Variants in ARHGEF26 observed in about 807,000 individuals in gnomAD.
ARHGEF26 encodes Rho guanine nucleotide exchange factor (GEF) 26.
A neutral mutation model predicts 89.4 loss-of-function variants in ARHGEF26; 59 were observed. The observed-to-expected ratio is 0.66, with a 90% CI of 0.54 to 0.82. The LOEUF (loss-of-function observed/expected upper bound fraction) is 0.82, where lower values mean the gene tolerates loss of function less well. Among genes scored for constraint, ARHGEF26 ranks in the 40% least tolerant of loss-of-function variants. The pLI is 0.00. For missense variants in ARHGEF26, 1,234 were observed against 1,085.6 expected (o/e 1.14, Z -1.92); for synonymous variants, 500 against 428.4 (o/e 1.17, Z -2.06).
At chr3:154,137,619 A>G (rs1267734901) in intron 4 of ARHGEF26, among the ~76,000 whole-genome samples, 1 of 152,072 alleles carries the variant, frequency 6.6e-6, no homozygotes, top group East Asian at 1.9e-4. Flanking sequence ...ATTATGGTAC[A>G]TTTCTGAAAA....
intron 9 of ARHGEF26, among the ~76,000 whole-genome samples, chr3:154,215,490 A>T (rs1715663799): frequency 2.0e-5 from 3 of 151,858 alleles, no homozygotes; most frequent in African/African-American, 7.3e-5. Context: ...GGCACTAAAT[A>T]AACTTTTTTT....
chr3:154,161,881 C>T (rs1371752315), intron 6 of ARHGEF26, among the ~76,000 whole-genome samples: 1 of 152,156 alleles, frequency 6.6e-6, no homozygotes, highest in Non-Finnish European at 1.5e-5. Context: ...CAGGCCCTGG[C>T]ATGCTTCAGC....
intron 6 of ARHGEF26, among the ~76,000 whole-genome samples, chr3:154,173,103 A>G (rs1042250504): frequency 6.6e-6 from 1 of 152,182 alleles, no homozygotes; most frequent in African/African-American, 2.4e-5. Flanking sequence ...TCAGTCAAGT[A>G]CTATTAATAC....
chr3:154,221,572 TA>T (rs1716134207), intron 10 of ARHGEF26, among the ~76,000 whole-genome samples: 1 of 152,192 alleles, frequency 6.6e-6, no homozygotes, highest in African/African-American at 2.4e-5. Context: ...GAAAAACATC[TA>T]AATATCTATC....
chr3:154,176,539 G>T (rs374444758), intron 6 of ARHGEF26, among the ~76,000 whole-genome samples: 1 of 152,186 alleles, frequency 6.6e-6, no homozygotes, highest in African/African-American at 2.4e-5. Flanking sequence ...TGAAAGGAGA[G>T]TTCGCAATGA....
At chr3:154,228,329 G>A (rs1448636627) in intron 11 of ARHGEF26, among the ~76,000 whole-genome samples, 3 of 151,524 alleles carry the variant, frequency 2.0e-5, no homozygotes, top group Admixed American at 6.6e-5. Flanking sequence ...TAGAGATGGG[G>A]TTTCTCCATG....
intron 9 of ARHGEF26, 46 bp downstream of exon 9, chr3:154,194,764 G>T: frequency 6.6e-7 from 1 of 1,508,916 alleles, no homozygotes; most frequent in East Asian, 2.3e-5. Context: ...AAACCATTCA[G>T]TTAGCTCAGA....
intron 14 of ARHGEF26, 73 bp from the exon 15 acceptor site, chr3:154,255,258 C>CT (rs1286182107): frequency 6.6e-7 from 1 of 1,510,804 alleles, no homozygotes; most frequent in East Asian, 2.3e-5. Flanking sequence ...TGCCTCTCAG[C>CT]TTTTTCATAT....
rs994843544 is a variant in ARHGEF26, at chr3:154,257,820, A to G, written c.*2347A>G. The stretch of plus-strand genomic sequence containing the variant: ...ATGTGAATTTATAAAGATTTTGTAG[A>G]TACTTGTCCTTTTGTGCTGGTGTGA... On this transcript the variant is annotated 3_prime_UTR_variant, in exon 15 of 15. Transcript: ENST00000465093. 6.6e-6 allele frequency: 1 copy of G among 152,168 alleles called. No individual in the cohort carries two copies. Among genetic ancestry groups the G allele is most frequent in the Non-Finnish European group, 1.5e-5 (1 of 68,040 alleles). 9.4% of individuals were successfully genotyped at this position (152,168 alleles called of 1,614,324 possible).
rs769955658 is a variant in ARHGEF26, at chr3:154,253,159, G to A, written c.2344G>A (p.Gly782Arg). Residue 782 changes from glycine (G) to arginine (R), a missense_variant, in exon 13 of 15, where the codon GGG becomes AGG. Physicochemically the swap from Gly to Arg is moderately radical, Grantham distance 125 (BLOSUM62 -2). Coordinates refer to ENST00000465093, the MANE Select transcript of ARHGEF26 (RefSeq NM_015595.4). ...RWITALGHSS[G>R]KPPADRTSLT... ...GATAACTGCCCTGGGACACAGCAGCGGGAAGCCGCCTGCAGACCGAACCTG... is the reference window on the plus strand; with the variant it reads ...GATAACTGCCCTGGGACACAGCAGCAGGAAGCCGCCTGCAGACCGAACCTG... 6.2e-6 allele frequency: 10 copies of A among 1,613,994 alleles called. No individual in the cohort carries two copies. In the South Asian group the frequency reaches 7.7e-5, roughly 12 times the overall value.
chr3:154,234,867 G>A (rs747355951), intron 11 of ARHGEF26, among the ~76,000 whole-genome samples: 29 of 152,190 alleles, frequency 1.9e-4, no homozygotes, highest in Non-Finnish European at 2.8e-4. Context: ...TCAGGTTCAC[G>A]CCATTCTTCT....
chr3:154,137,286 C>T lies in ARHGEF26; in HGVS notation c.1269+7567C>T, dbSNP rs143236259. Among the ~76,000 whole-genome samples, 202 of 152,274 alleles carry T rather than the reference C, an allele frequency of 1.3e-3. 3 individuals carry two copies. Among genetic ancestry groups the T allele is most frequent in the African/African-American group, 4.6e-3 (190 of 41,566 alleles). ...GAAGAGGAAGAGAGACCTGAGCTAG[C>T]TCGTTAGCATGCTTAGCCTCCTTGC... On this transcript the variant is annotated intron_variant, in intron 4 of 14. Transcript: ENST00000465093.
intron 4 of ARHGEF26, among the ~76,000 whole-genome samples, chr3:154,132,561 G>A (rs1187312522): frequency 1.3e-5 from 2 of 152,068 alleles, no homozygotes; most frequent in Admixed American, 6.6e-5. Flanking sequence ...GGACCCTAAC[G>A]AGCGGAGGCT....
At chr3:154,194,536 T>A in intron 8 of ARHGEF26, 108 bp from the exon 9 acceptor site, 1 of 744,842 alleles carries the variant, frequency 1.3e-6, no homozygotes, top group Middle Eastern at 3.0e-4. Flanking sequence ...ATCCGTAATA[T>A]CGTGTTTGGC....
chr3:154,157,353 T>C (rs1720398073), intron 6 of ARHGEF26, among the ~76,000 whole-genome samples: 1 of 152,032 alleles, frequency 6.6e-6, no homozygotes, highest in Non-Finnish European at 1.5e-5. Flanking sequence ...TGGAAAGGCT[T>C]GGGTTTGGCT....
chr3:154,249,529 A>G (rs559345847), intron 12 of ARHGEF26, among the ~76,000 whole-genome samples: 15 of 152,266 alleles, frequency 9.9e-5, no homozygotes, highest in African/African-American at 2.4e-4. Context: ...ACGTAGGTCA[A>G]ATGTTTTGGT....
chr3:154,137,835 G>GAGA (rs889502397), intron 4 of ARHGEF26, among the ~76,000 whole-genome samples: 18 of 148,614 alleles, frequency 1.2e-4, no homozygotes, highest in Non-Finnish European at 2.1e-4. Context: ...AAAAGAAGAA[G>GAGA]AGAAGAAGAA....
chr3:154,137,069 A>G (rs989280745), intron 4 of ARHGEF26, among the ~76,000 whole-genome samples: 7 of 152,182 alleles, frequency 4.6e-5, no homozygotes, highest in African/African-American at 1.2e-4. Context: ...CCTGAGATCC[A>G]TGGTTTGGAT....
intron 9 of ARHGEF26, among the ~76,000 whole-genome samples, chr3:154,210,594 C>T (rs1258194140): frequency 2.0e-5 from 3 of 151,592 alleles, no homozygotes; most frequent in Non-Finnish European, 2.9e-5. Context: ...GGATGACAGG[C>T]GTGAGCCACT....
Sources: allele counts gnomAD v4.1 joint callset (sites outside exome capture counted in the v4.1 genomes callset), GRCh38; gene constraint gnomAD v4.1.1; transcripts MANE v1.5; gene names NCBI Gene and HGNC (gene_info 2026-07-23, HGNC 2026-07-21).